The following DDX60 variants were observed in gnomAD, a reference collection of about 807,000 sequenced individuals.
The protein encoded by DDX60 is DExD/H-box helicase 60, also known as probable ATP-dependent RNA helicase DDX60.
Under a neutral mutation model 212.8 loss-of-function variants are expected in DDX60, and 165 were observed. The observed-to-expected ratio is 0.78, with a 90% CI of 0.68 to 0.88. The LOEUF (loss-of-function observed/expected upper bound fraction) is 0.88. Ranked by LOEUF, DDX60 falls within the 40% of genes least tolerant of loss-of-function variation. DDX60 has a pLI of 0.00. For synonymous variants in DDX60, 703 were observed against 685.3 expected (o/e 1.03, Z -0.40); for missense variants, 1,905 against 2,003.9 (o/e 0.95, Z 0.94).
At chr4:168,265,328 G>C (rs1734797096) in intron 22 of DDX60, 1 of 152,022 alleles carries the variant, frequency 6.6e-6, no homozygotes, top group Non-Finnish European at 1.5e-5. Flanking sequence ...ATATTAATCT[G>C]AAAAATGGAC....
intron 5 of DDX60, among the ~76,000 whole-genome samples, chr4:168,303,563 T>C (rs1280368708): frequency 1.3e-5 from 2 of 152,182 alleles, no homozygotes; most frequent in East Asian, 3.9e-4. Flanking sequence ...CATAAGATTA[T>C]AATGGAGCTG....
At chr4:168,270,868 T>C (rs1008487829) in intron 19 of DDX60, among the ~76,000 whole-genome samples, 1 of 133,096 alleles carries the variant, frequency 7.5e-6, no homozygotes, top group Admixed American at 7.3e-5. Flanking sequence ...CTTTTTTTTC[T>C]TTCTTTCTTT....
chr4:168,260,775 G>A (rs1734592535), intron 25 of DDX60, 90 bp downstream of exon 25: 3 of 1,160,458 alleles, frequency 2.6e-6, no homozygotes, highest in South Asian at 2.8e-5. Flanking sequence ...GGCCAGTGAT[G>A]GTCTGTGGCC....
At chr4:168,321,216 G>C (rs556533247), upstream of DDX60, among the ~76,000 whole-genome samples, 7 of 151,738 alleles carry the variant, frequency 4.6e-5, no homozygotes, top group African/African-American at 1.7e-4. Context: ...TGATAGTCAC[G>C]TACTTTATTT....
At position 168,287,043 on chromosome 4, in the gene DDX60, A is replaced by T. The variant is rs1735891132; in HGVS notation, c.1339+5T>A. On this transcript the variant is annotated splice_donor_5th_base_variant and intron_variant, in intron 10 of 37. Coordinates refer to ENST00000393743, the MANE Select transcript of DDX60 (RefSeq NM_017631.6). Reference sequence around the variant, plus strand: ...TCATTTCAGATTAATTTAGAAATTTATTACCTTTGATTGGTGATGGTTTCT... The same window carrying T: ...TCATTTCAGATTAATTTAGAAATTTTTTACCTTTGATTGGTGATGGTTTCT... The T allele has an allele frequency of 1.3e-6, 2 of 1,592,642 alleles. No homozygotes were observed. Among genetic ancestry groups the T allele is most frequent in the Admixed American group, 3.7e-5 (2 of 54,592 alleles).
chr4:168,228,394 A>G (rs960950920), intron 33 of DDX60, among the ~76,000 whole-genome samples: 3 of 152,032 alleles, frequency 2.0e-5, no homozygotes, highest in Non-Finnish European at 4.4e-5. Context: ...AACTATTGAT[A>G]TAGCTATTTT....
At chr4:168,228,726 T>A (rs887888885) in intron 33 of DDX60, among the ~76,000 whole-genome samples, 2 of 152,116 alleles carry the variant, frequency 1.3e-5, no homozygotes, top group African/African-American at 4.8e-5. Flanking sequence ...TTATATGTAA[T>A]CACACATAAC....
chr4:168,322,429 A>C (rs542683199), upstream of DDX60, among the ~76,000 whole-genome samples: 1 of 152,158 alleles, frequency 6.6e-6, no homozygotes, highest in Non-Finnish European at 1.5e-5. Flanking sequence ...CAAAGGCTAG[A>C]GCAAGCCTCA....
chr4:168,272,105 G>C lies in DDX60; in HGVS notation c.2608C>G (p.Leu870Val). 1 of 1,585,186 alleles carries C rather than the reference G, an allele frequency of 6.3e-7. No homozygotes were observed. The highest frequency in any genetic ancestry group is 8.6e-7 in the Non-Finnish European group (1 of 1,162,846). Residue 870 changes from leucine (L) to valine (V), a missense_variant, in exon 19 of 38, where the codon CTG becomes GTG. Transcript: ENST00000393743. ...TTTTGGCGATGAGGAGCAAGCAGCA[G>C]AATTTCAAAGCAGGCAGGCACTGTA... The part of the protein sequence containing the change: ...LITVPACFEI[L>V]LLAPHRQNWV...
chr4:168,301,887 A>G (rs1247125714), intron 6 of DDX60, among the ~76,000 whole-genome samples: 1 of 152,244 alleles, frequency 6.6e-6, no homozygotes, highest in Non-Finnish European at 1.5e-5. Context: ...TGAGGACCCA[A>G]GATTAATTCA....
chr4:168,297,099 C>T (rs1246958290), intron 6 of DDX60, among the ~76,000 whole-genome samples: 4 of 151,526 alleles, frequency 2.6e-5, no homozygotes, highest in Admixed American at 6.6e-5. Flanking sequence ...TTAGTAGAGA[C>T]GGGGTTTCAC....
At chr4:168,315,735 G>A (rs1276559970) in intron 1 of DDX60, among the ~76,000 whole-genome samples, 1 of 152,152 alleles carries the variant, frequency 6.6e-6, no homozygotes, top group African/African-American at 2.4e-5. Flanking sequence ...CTTTATTCAT[G>A]TCCCTGCAAA....
chr4:168,323,503 C>A (rs1029032686), upstream of DDX60, among the ~76,000 whole-genome samples: 1 of 151,958 alleles, frequency 6.6e-6, no homozygotes, highest in African/African-American at 2.4e-5. Context: ...TGACTGGTAC[C>A]GATATATAGG....
At chr4:168,245,265 A>T (rs1186702503) in intron 30 of DDX60, among the ~76,000 whole-genome samples, 2 of 152,214 alleles carry the variant, frequency 1.3e-5, no homozygotes, top group Non-Finnish European at 2.9e-5. Flanking sequence ...ACAGAAAAAA[A>T]TATCAAGTTA....
intron 37 of DDX60, among the ~76,000 whole-genome samples, chr4:168,219,707 A>C (rs994268048): frequency 1.3e-5 from 2 of 152,276 alleles, no homozygotes; most frequent in East Asian, 1.9e-4. Flanking sequence ...ACACCTATAA[A>C]GTATTGAGTT....
chr4:168,242,007 C>A (rs953572510), intron 30 of DDX60, among the ~76,000 whole-genome samples: 1 of 152,180 alleles, frequency 6.6e-6, no homozygotes, highest in African/African-American at 2.4e-5. Flanking sequence ...CCCGCTATGA[C>A]TAAAAGGGGA....
chr4:168,228,384 A>C (rs1035898335), intron 33 of DDX60, among the ~76,000 whole-genome samples: 2 of 152,044 alleles, frequency 1.3e-5, no homozygotes, highest in Admixed American at 1.3e-4. Flanking sequence ...CATTTAATAT[A>C]ACTATTGATA....
At chr4:168,297,850 C>T (rs912934144) in intron 6 of DDX60, among the ~76,000 whole-genome samples, 1 of 151,888 alleles carries the variant, frequency 6.6e-6, no homozygotes, top group Non-Finnish European at 1.5e-5. Context: ...GTGATCGTGT[C>T]ACTGCACTCT....
rs58664687 is a variant in DDX60 at position 168,292,049 on chromosome 4, C to CTTTCCTTTTT, written c.883-144_883-143insAAAAAGGAAA. On this transcript the variant is annotated intron_variant, in intron 7 of 37. Transcript: ENST00000393743. ...CCTTTCTTTCTTTCTTTCTTTCTTT[C>CTTTCCTTTTT]TTTTTTTTTTTTTTTTTGAGACAGA... 3.5e-3 allele frequency: 1,066 copies of CTTTCCTTTTT among 303,166 alleles called. 3 individuals are homozygous for CTTTCCTTTTT. The highest frequency in any genetic ancestry group is 6.4e-3 in the Middle Eastern group (7 of 1,088). 18.8% of individuals were successfully genotyped at this position (303,166 alleles called of 1,614,324 possible). A position where few individuals can be genotyped will look rare whatever the true frequency, so the allele number is the denominator to read the frequency against.
Sources: allele counts gnomAD v4.1 joint callset (sites outside exome capture counted in the v4.1 genomes callset), GRCh38; gene constraint gnomAD v4.1.1; transcripts MANE v1.5; gene names NCBI Gene and HGNC (gene_info 2026-07-23, HGNC 2026-07-21).